Variants in TM2D1 observed in about 807,000 individuals in gnomAD.
TM2D1 encodes TM2 domain-containing protein 1.
TM2D1 carries 15 observed loss-of-function variants against 28.4 expected under a neutral mutation model. That is an observed-to-expected ratio of 0.53 (90% confidence interval 0.35 to 0.81). The LOEUF (loss-of-function observed/expected upper bound fraction) is 0.81. TM2D1 is among the 40% of genes least tolerant of loss of function. The pLI, the probability that TM2D1 is intolerant of heterozygous loss-of-function variation, is 0.01. For synonymous variants in TM2D1, 93 were observed against 96.2 expected, an observed-to-expected ratio of 0.97 and a Z score of 0.20; for missense variants, 236 against 254.9, an observed-to-expected ratio of 0.93 and a Z score of 0.50.
At chr1:61,706,560 G>A (rs1367518817) in intron 3 of TM2D1, among the ~76,000 whole-genome samples, 1 of 151,412 alleles carries the variant, frequency 6.6e-6, no homozygotes, top group Non-Finnish European at 1.5e-5. Context: ...TGTAATCCCA[G>A]CACTTTGGGA....
At chr1:61,706,461 G>T (rs1316260161) in intron 3 of TM2D1, among the ~76,000 whole-genome samples, 1 of 151,550 alleles carries the variant, frequency 6.6e-6, no homozygotes, top group Non-Finnish European at 1.5e-5. Context: ...GCCTCCCAAA[G>T]TGCTGGGATT....
intron 2 of TM2D1, among the ~76,000 whole-genome samples, chr1:61,713,052 C>A (rs1380239519): frequency 3.9e-5 from 6 of 151,936 alleles, no homozygotes; most frequent in Non-Finnish European, 8.8e-5. Context: ...CACCTGAAAT[C>A]CCAGCTACTT....
chr1:61,713,494 A>C (rs28706759), intron 2 of TM2D1, among the ~76,000 whole-genome samples: 24 of 135,962 alleles, frequency 1.8e-4, no homozygotes, highest in South Asian at 4.2e-4. Context: ...AAAACAAAAA[A>C]AAAAAAAAAA....
intron 2 of TM2D1, among the ~76,000 whole-genome samples, chr1:61,717,001 A>T (rs957641803): frequency 2.0e-5 from 3 of 152,170 alleles, no homozygotes; most frequent in African/African-American, 7.2e-5. Context: ...ATCCCATGCT[A>T]ACACTGATTT....
At chr1:61,685,327 A>T (rs1033984740) in intron 5 of TM2D1, among the ~76,000 whole-genome samples, 1 of 152,218 alleles carries the variant, frequency 6.6e-6, no homozygotes, top group Admixed American at 6.5e-5. Context: ...TAAATATGTA[A>T]ATATTTGCAA....
At chr1:61,700,036 G>T in intron 4 of TM2D1, 1 of 1,211,024 alleles carries the variant, frequency 8.3e-7, no homozygotes. Context: ...CTTTAAATTT[G>T]CTCAGTGAAG....
chr1:61,712,275 C>A (rs1253720485), intron 2 of TM2D1, among the ~76,000 whole-genome samples: 1 of 152,116 alleles, frequency 6.6e-6, no homozygotes, highest in Non-Finnish European at 1.5e-5. Flanking sequence ...ATAGATTAGT[C>A]ATCTTCAAAA....
chr1:61,723,036 G>A (rs1024585422), intron 2 of TM2D1, among the ~76,000 whole-genome samples: 1 of 152,142 alleles, frequency 6.6e-6, no homozygotes, highest in Non-Finnish European at 1.5e-5. Flanking sequence ...CTGCCCTCCT[G>A]CCCTCCAGTT....
chr1:61,717,532 C>T (rs1371536774), intron 2 of TM2D1, among the ~76,000 whole-genome samples: 1 of 152,084 alleles, frequency 6.6e-6, no homozygotes, highest in Non-Finnish European at 1.5e-5. Context: ...CCAATAACTA[C>T]ACAGTATTCA....
intron 4 of TM2D1, chr1:61,699,284 T>G (rs747784044): frequency 6.6e-6 from 1 of 152,026 alleles, no homozygotes; most frequent in Non-Finnish European, 1.5e-5. Context: ...GAGGTCGAGG[T>G]TGCAGTGAGC....
At chr1:61,705,282 G>T (rs1228090665) in intron 3 of TM2D1, among the ~76,000 whole-genome samples, 1 of 152,082 alleles carries the variant, frequency 6.6e-6, no homozygotes, top group African/African-American at 2.4e-5. Flanking sequence ...CACCTTCCAG[G>T]TTCAAGCGAT....
chr1:61,710,715 T>C (rs1208649022), intron 2 of TM2D1, among the ~76,000 whole-genome samples: 11 of 151,890 alleles, frequency 7.2e-5, no homozygotes, highest in African/African-American at 2.7e-4. Flanking sequence ...TTTTTTAAAA[T>C]AAAACTGTGT....
chr1:61,688,743 A>C (rs1570095637), intron 5 of TM2D1, among the ~76,000 whole-genome samples: 2 of 101,638 alleles, frequency 2.0e-5, no homozygotes, highest in African/African-American at 3.2e-5. Context: ...CCCGCCACCC[A>C]AAAAAAAAAA....
At chr1:61,693,958 G>A (rs574066170) in intron 5 of TM2D1, among the ~76,000 whole-genome samples, 1 of 152,248 alleles carries the variant, frequency 6.6e-6, no homozygotes, top group Non-Finnish European at 1.5e-5. Context: ...AACATCTGGT[G>A]GCACTTTTAA....
chr1:61,708,935 T>C (rs1340741977), intron 3 of TM2D1, among the ~76,000 whole-genome samples: 1 of 151,356 alleles, frequency 6.6e-6, no homozygotes, highest in East Asian at 1.9e-4. Context: ...GAGGCCGAGA[T>C]GGGAGAATCA....
At chr1:61,697,581 G>A (rs1644373007) in intron 4 of TM2D1, 1 of 152,030 alleles carries the variant, frequency 6.6e-6, no homozygotes, top group African/African-American at 2.4e-5. Context: ...TAAATGACAT[G>A]CAATGACATA....
chr1:61,706,775 GC>G (rs1322414730), intron 3 of TM2D1, among the ~76,000 whole-genome samples: 1 of 149,230 alleles, frequency 6.7e-6, no homozygotes, highest in Non-Finnish European at 1.5e-5. Context: ...GTTGCAGTGA[GC>G]CAAGATCACA....
chr1:61,719,650 G>A (rs777431405), intron 2 of TM2D1, among the ~76,000 whole-genome samples: 143 of 151,924 alleles, frequency 9.4e-4, no homozygotes, highest in Non-Finnish European at 9.3e-4. Context: ...GCGTCAGCAC[G>A]CCCAGCTAAT....
In TM2D1 at chr1:61,700,977, T is replaced by C. The variant is rs1644396678; in HGVS notation, c.396A>G (p.Gly132=). 1 of 1,610,930 alleles carries C rather than the reference T, an allele frequency of 6.2e-7. No homozygotes were observed. The highest frequency in any genetic ancestry group is 1.3e-5 in the African/African-American group (1 of 74,558). ...KVAVALSLFL[G]WLGADRFYLG... is the part of the protein sequence containing the mutation. The stretch of plus-strand genomic sequence containing the variant: ...GGTAAAATCGATCTGCTCCCAACCA[T>C]CCAAGAAAAAGAGACAATGCGACTG... The change falls in exon 4 of 7, where the codon GGA becomes GGG. Residue 132 remains glycine, a synonymous_variant. Coordinates refer to ENST00000606498, the MANE Select transcript of TM2D1 (RefSeq NM_032027.3).
Sources: allele counts gnomAD v4.1 joint callset (sites outside exome capture counted in the v4.1 genomes callset), GRCh38; gene constraint gnomAD v4.1.1; transcripts MANE v1.5; gene names NCBI Gene and HGNC (gene_info 2026-07-23, HGNC 2026-07-21).